UBXN8: variants seen among roughly 807,000 people sequenced by gnomAD.
UBXN8 encodes the protein UBX domain-containing protein 8.
Under a neutral mutation model 32.1 loss-of-function variants are expected in UBXN8, and 27 were observed. That is an observed-to-expected ratio of 0.84 (90% CI 0.62 to 1.16). UBXN8 has a LOEUF of 1.16. UBXN8 is among the 50% of genes most tolerant of loss of function. UBXN8 has a pLI of 0.00. For synonymous variants in UBXN8, 109 were observed against 111.8 expected (o/e 0.98, Z 0.16); for missense variants, 306 against 311.4 (o/e 0.98, Z 0.13).
chr8:30,737,987 G>A (rs1039638099), intron 1 of UBXN8, among the ~76,000 whole-genome samples: 6 of 152,022 alleles, frequency 3.9e-5, no homozygotes, highest in African/African-American at 1.2e-4. Flanking sequence ...GGCCGGGCAC[G>A]GTGGCTCATG....
chr8:30,756,870 C>G lies in UBXN8; in HGVS notation c.511C>G (p.Gln171Glu). 2 of 1,613,992 alleles carry G rather than the reference C, an allele frequency of 1.2e-6. No homozygotes were observed. Among genetic ancestry groups the G allele is most frequent in the Non-Finnish European group, 1.7e-6 (2 of 1,179,888 alleles). Residue 171 changes from glutamine to glutamate, a missense_variant, in exon 5 of 8, where the codon CAG becomes GAG. Gln to Glu is a conservative substitution (Grantham distance 29). Transcript: ENST00000265616. ...AACTGAATTTCCGTCTCCTGCTGAACAGCCCACATGCAAGGAGGTAAAGTA... is the reference window on the plus strand; with the variant it reads ...AACTGAATTTCCGTCTCCTGCTGAAGAGCCCACATGCAAGGAGGTAAAGTA... ...PLTEFPSPAE[Q>E]PTCKEIPDLP...
At chr8:30,731,969 C>T (rs4038122), upstream of UBXN8, among the ~76,000 whole-genome samples, 3 of 152,166 alleles carry the variant, frequency 2.0e-5, no homozygotes, top group Non-Finnish European at 4.4e-5. Flanking sequence ...GTACCTAACC[C>T]GTACATATTG....
rs1431830287 is a variant in UBXN8 at position 30,751,382 on chromosome 8, T to G, written c.89-14T>G. 1 of 1,554,240 alleles carries G rather than the reference T, an allele frequency of 6.4e-7. No homozygotes were observed. Among genetic ancestry groups the G allele is most frequent in the Non-Finnish European group, 8.7e-7 (1 of 1,149,704 alleles). ...AAGTTTTGAATTTTAATTTTAGTTTTTTTCCTTTATCAGGAATCAAGGATT... is the reference window on the plus strand; with the variant it reads ...AAGTTTTGAATTTTAATTTTAGTTTGTTTCCTTTATCAGGAATCAAGGATT... On this transcript the variant is annotated splice_polypyrimidine_tract_variant and intron_variant, in intron 1 of 7. Coordinates refer to ENST00000265616, the MANE Select transcript of UBXN8 (RefSeq NM_005671.4).
chr8:30,754,875 C>G (rs2128754872), intron 4 of UBXN8, 88 bp downstream of exon 4: 2 of 1,456,224 alleles, frequency 1.4e-6, no homozygotes, highest in East Asian at 5.4e-5. Flanking sequence ...TGATGTTAGA[C>G]TGCTTTTAGG....
chr8:30,742,712 C>T (rs554901260), upstream of UBXN8, among the ~76,000 whole-genome samples: 11 of 152,136 alleles, frequency 7.2e-5, no homozygotes, highest in Non-Finnish European at 1.3e-4. Context: ...TGAAATCCCA[C>T]CCTTCCCGGA....
At position 30,746,981 on chromosome 8, in the gene UBXN8, G is replaced by T. The variant is rs1245064720; in HGVS notation, c.88+2704G>T. 6.5e-5 allele frequency among the ~76,000 whole-genome samples: 9 copies of T among 138,866 alleles called. No homozygotes were observed. The East Asian group carries it at 1.7e-3, about 26-fold the overall frequency. 91.1% of individuals were successfully genotyped at this position (138,866 alleles called of 152,430 possible). A position where few individuals can be genotyped will look rare whatever the true frequency, so the allele number is the denominator to read the frequency against. On this transcript the variant is annotated intron_variant, in intron 1 of 7. Transcript: ENST00000265616. Reference sequence around the variant, plus strand: ...ACCATCCTGGCCAACATGGTGAAACGCTGTCTCTACTAAAAATACGAAAAT... The same window carrying T: ...ACCATCCTGGCCAACATGGTGAAACTCTGTCTCTACTAAAAATACGAAAAT...
upstream of UBXN8, chr8:30,732,331 A>G: frequency 2.5e-6 from 1 of 398,190 alleles, no homozygotes; most frequent in Non-Finnish European, 4.4e-6. Flanking sequence ...CTGTGGGTAT[A>G]AGGTGTCCAA....
chr8:30,741,670 ACAAAC>A (rs1245595294), upstream of UBXN8, among the ~76,000 whole-genome samples: 2 of 151,966 alleles, frequency 1.3e-5, no homozygotes, highest in African/African-American at 4.8e-5. Context: ...CAGGATGGTC[ACAAAC>A]TTGACCTCAG....
At chr8:30,741,065 C>A (rs190792192), upstream of UBXN8, among the ~76,000 whole-genome samples, 2 of 152,252 alleles carry the variant, frequency 1.3e-5, no homozygotes, top group African/African-American at 4.8e-5. Flanking sequence ...TATGTCCAAT[C>A]CCAGTGAAAT....
chr8:30,760,420 CATATATATAT>C (rs1307823939), intron 5 of UBXN8, among the ~76,000 whole-genome samples: 2 of 85,588 alleles, frequency 2.3e-5, no homozygotes, highest in African/African-American at 8.3e-5. Context: ...CATACACAAT[CATATATATAT>C]ATATATATAT....
At chr8:30,763,186 CTTT>C in intron 6 of UBXN8, 84 bp from the exon 7 acceptor site, 1 of 1,352,782 alleles carries the variant, frequency 7.4e-7, no homozygotes, top group Non-Finnish European at 1.0e-6. Context: ...TATCTAAGTC[CTTT>C]TTAGCTGCTT....
Position 30,756,841 on chromosome 8 carries a change from C to A in UBXN8, c.482C>A (p.Pro161His). Residue 161 changes from proline (P) to histidine (H), a missense_variant, in exon 5 of 8, where the codon CCT becomes CAT. Pro to His is a moderately conservative substitution (Grantham distance 77, BLOSUM62 -2). Transcript: ENST00000265616. ...GCAAAGAGCCAGAACTTGCCTAAACCTTTAACTGAATTTCCGTCTCCTGCT... is the reference window on the plus strand; with the variant it reads ...GCAAAGAGCCAGAACTTGCCTAAACATTTAACTGAATTTCCGTCTCCTGCT... ...EAAKSQNLPK[P>H]LTEFPSPAEQ... 1.2e-6 allele frequency: 2 copies of A among 1,613,962 alleles called. No individual in the cohort carries two copies. Among genetic ancestry groups the A allele is most frequent in the Non-Finnish European group, 1.7e-6 (2 of 1,179,888 alleles).
At chr8:30,748,640 A>G in intron 1 of UBXN8, among the ~76,000 whole-genome samples, 1 of 152,008 alleles carries the variant, frequency 6.6e-6, no homozygotes, top group East Asian at 1.9e-4. Flanking sequence ...TCCCAGGTTC[A>G]AGTGATTCTC....
upstream of UBXN8, among the ~76,000 whole-genome samples, chr8:30,742,019 G>A (rs1179116991): frequency 1.3e-5 from 2 of 152,074 alleles, no homozygotes; most frequent in Non-Finnish European, 2.9e-5. Context: ...AAATACAGGA[G>A]GTAGGTGGTT....
chr8:30,739,328 A>G (rs1204717746), upstream of UBXN8, among the ~76,000 whole-genome samples: 1 of 149,772 alleles, frequency 6.7e-6, no homozygotes, highest in African/African-American at 2.4e-5. Flanking sequence ...GTGGATCACG[A>G]TGTCAGGAGA....
chr8:30,732,237 G>C (rs1256329133), upstream of UBXN8: 1 of 390,304 alleles, frequency 2.6e-6, no homozygotes, highest in Non-Finnish European at 4.5e-6. Context: ...TGTTGCTCCA[G>C]TACGTTGATG....
chr8:30,758,749 T>G (rs1287718651), intron 5 of UBXN8, among the ~76,000 whole-genome samples: 1 of 152,234 alleles, frequency 6.6e-6, no homozygotes, highest in African/African-American at 2.4e-5. Flanking sequence ...ACATATGCTT[T>G]TGATACCAAA....
At chr8:30,743,198 C>G (rs1263985605), upstream of UBXN8, among the ~76,000 whole-genome samples, 1 of 136,978 alleles carries the variant, frequency 7.3e-6, no homozygotes, top group Admixed American at 8.1e-5. Context: ...ATTCTGTCGC[C>G]CAGGCTGGAG....
In UBXN8 at chr8:30,753,094, C is replaced by T; in HGVS notation, c.271C>T (p.Gln91Ter). ...KLVRKKQQEAQGEKASRYIEN... is the reference protein window; with the variant it reads ...KLVRKKQQEA ...TGTGAGAAAAAAACAACAAGAAGCACAAGGAGAGAAGGTAAGGCAGAATTT... is the reference window on the plus strand; with the variant it reads ...TGTGAGAAAAAAACAACAAGAAGCATAAGGAGAGAAGGTAAGGCAGAATTT... The change falls in exon 3 of 8, where the codon CAA becomes TAA. Residue 91 changes from glutamine (Q) to a stop codon, truncating the protein, a stop_gained. Coordinates refer to ENST00000265616, the MANE Select transcript of UBXN8 (RefSeq NM_005671.4). LOFTEE classifies it high-confidence loss of function. 6.6e-7 allele frequency: 1 copy of T among 1,522,496 alleles called. No homozygotes were observed. Among genetic ancestry groups the T allele is most frequent in the Non-Finnish European group, 8.8e-7 (1 of 1,136,034 alleles). 94.3% of individuals were successfully genotyped at this position (1,522,496 alleles called of 1,614,324 possible).
Sources: allele counts gnomAD v4.1 joint callset (sites outside exome capture counted in the v4.1 genomes callset), GRCh38; gene constraint gnomAD v4.1.1; transcripts MANE v1.5; gene names NCBI Gene and HGNC (gene_info 2026-07-23, HGNC 2026-07-21).